KCNH5: variants seen among roughly 807,000 people sequenced by gnomAD.
The protein encoded by KCNH5 is potassium voltage-gated channel subfamily H member 5.
A neutral mutation model predicts 96.1 loss-of-function variants in KCNH5; 46 were observed. The observed-to-expected ratio is 0.48, with a 90% CI of 0.38 to 0.61. KCNH5 has a LOEUF of 0.61. Ranked by LOEUF, KCNH5 falls within the 20% of genes least tolerant of loss-of-function variation. KCNH5 has a pLI of 0.00. For missense variants in KCNH5, 907 were observed against 1,225.8 expected, an observed-to-expected ratio of 0.74 and a Z score of 3.88; for synonymous variants, 439 against 449.8, an observed-to-expected ratio of 0.98 and a Z score of 0.30.
At chr14:62,797,723 T>C (rs547798180) in intron 9 of KCNH5, among the ~76,000 whole-genome samples, 223 of 152,060 alleles carry the variant, frequency 1.5e-3, no homozygotes, top group Admixed American at 2.6e-3. Context: ...TTTATAATTT[T>C]TTTTTTTTTT....
intron 8 of KCNH5, among the ~76,000 whole-genome samples, chr14:62,844,564 C>T (rs1326773946): frequency 6.6e-6 from 1 of 151,958 alleles, no homozygotes; most frequent in Non-Finnish European, 1.5e-5. Context: ...TTCATGTACA[C>T]AGAATATTAG....
intron 3 of KCNH5, among the ~76,000 whole-genome samples, chr14:63,003,624 A>ATATATATATTTTT (rs1491457497): frequency 1.1e-5 from 1 of 92,818 alleles, no homozygotes; most frequent in South Asian, 2.9e-4. Flanking sequence ...ATATATATAT[A>ATATATATATTTTT]TTTTTTTTTT....
intron 7 of KCNH5, among the ~76,000 whole-genome samples, chr14:62,896,325 C>T (rs940050013): frequency 3.3e-5 from 5 of 152,164 alleles, no homozygotes; most frequent in Non-Finnish European, 7.3e-5. Context: ...GTTCAATTCA[C>T]TTTTTTCAGC....
chr14:62,976,280 G>A (rs980672411), intron 6 of KCNH5, among the ~76,000 whole-genome samples: 3 of 151,872 alleles, frequency 2.0e-5, no homozygotes, highest in South Asian at 4.2e-4. Context: ...GGCAGCGCCT[G>A]TAGTCCCAGC....
chr14:62,988,697 C>CA (rs78891981), intron 4 of KCNH5, among the ~76,000 whole-genome samples: 9 of 149,984 alleles, frequency 6.0e-5, no homozygotes, highest in Admixed American at 1.3e-4. Flanking sequence ...GCTGTGGAAA[C>CA]AAAAAAAAAG....
At chr14:62,908,372 C>G (rs1006334812) in intron 7 of KCNH5, among the ~76,000 whole-genome samples, 19 of 152,194 alleles carry the variant, frequency 1.2e-4, no homozygotes, top group African/African-American at 3.9e-4. Flanking sequence ...CTTCCTGCTT[C>G]CTGTTCACCC....
intron 8 of KCNH5, among the ~76,000 whole-genome samples, chr14:62,802,803 G>A (rs920609496): frequency 1.3e-5 from 2 of 152,152 alleles, no homozygotes. Context: ...TGACAATGCA[G>A]AACTATGTAG....
intron 7 of KCNH5, among the ~76,000 whole-genome samples, chr14:62,886,121 GACACACACACACAC>G (rs58900799): frequency 0.03 from 4,376 of 147,858 alleles, 81 homozygotes; most frequent in East Asian, 0.082. Flanking sequence ...ACCTGCAGAG[GACACACACACACAC>G]ACACACACAC....
intron 8 of KCNH5, among the ~76,000 whole-genome samples, chr14:62,810,327 T>C (rs935964186): frequency 6.6e-6 from 1 of 151,890 alleles, no homozygotes; most frequent in Non-Finnish European, 1.5e-5. Flanking sequence ...TGGATCTTCA[T>C]CCCTCTGCAA....
rs112417172 is a variant in KCNH5, at chr14:62,841,415, A to C, written c.1569+8238T>G. Among the ~76,000 whole-genome samples, 257 of 152,316 alleles carry C rather than the reference A, an allele frequency of 1.7e-3. 1 individual carries two copies. The highest frequency in any genetic ancestry group is 5.8e-3 in the African/African-American group (240 of 41,562). ...CAATCAAGGCAGCTCAGAATACAAT[A>C]ATAGGTTGGATACAAACACCTACTC... On this transcript the variant is annotated intron_variant, in intron 8 of 10. Coordinates refer to ENST00000322893, the MANE Select transcript of KCNH5 (RefSeq NM_139318.5).
At chr14:63,017,145 C>A (rs924770738) in intron 1 of KCNH5, among the ~76,000 whole-genome samples, 191 bp from the exon 2 acceptor site, 2 of 151,908 alleles carry the variant, frequency 1.3e-5, no homozygotes, top group East Asian at 1.9e-4. Context: ...CAATAAATAT[C>A]GAATTTATAT....
chr14:62,881,330 C>T lies in KCNH5; in HGVS notation c.1370-31478G>A, dbSNP rs1387899289. On this transcript the variant is annotated intron_variant, in intron 7 of 10. Coordinates refer to ENST00000322893, the MANE Select transcript of KCNH5 (RefSeq NM_139318.5). ...AAACCCTCATTATAAGAATGTCTCA[C>T]TTCTTTTTTTTTTTAGTAAGAAACT... 3.3e-5 allele frequency among the ~76,000 whole-genome samples: 5 copies of T among 151,958 alleles called. No individual in the cohort carries two copies. In the East Asian group the frequency reaches 7.7e-4, roughly 23 times the overall value.
At chr14:62,891,502 G>A (rs552778819) in intron 7 of KCNH5, among the ~76,000 whole-genome samples, 2 of 151,908 alleles carry the variant, frequency 1.3e-5, no homozygotes, top group African/African-American at 2.4e-5. Flanking sequence ...ACAAACCCCC[G>A]TGACATGAGT....
rs555738063 is a variant in KCNH5, at chr14:62,965,122, A to T, written c.943-14563T>A. 2.6e-5 allele frequency among the ~76,000 whole-genome samples: 4 copies of T among 152,174 alleles called. No individual in the cohort carries two copies. The South Asian group carries it at 6.2e-4, about 24-fold the overall frequency. On this transcript the variant is annotated intron_variant, in intron 6 of 10. Coordinates refer to ENST00000322893, the MANE Select transcript of KCNH5 (RefSeq NM_139318.5). ...ATAGATGCATAAAATCAAGTAAGGG[A>T]TTTGTTTTTTTCATTTAAAGGATGA...
At chr14:62,878,480 T>C (rs1181995523) in intron 7 of KCNH5, among the ~76,000 whole-genome samples, 2 of 152,094 alleles carry the variant, frequency 1.3e-5, no homozygotes, top group East Asian at 1.9e-4. Context: ...TTCTTGACAA[T>C]TTAAACTTTC....
chr14:62,861,887 A>G (rs1319041157), intron 7 of KCNH5, among the ~76,000 whole-genome samples: 1 of 152,202 alleles, frequency 6.6e-6, no homozygotes, highest in East Asian at 1.9e-4. Flanking sequence ...AGATTACCTT[A>G]CCTATTTATA....
At chr14:62,890,698 CAA>C (rs1277209731) in intron 7 of KCNH5, among the ~76,000 whole-genome samples, 11,855 of 54,994 alleles carry the variant, frequency 0.22, 331 homozygotes, top group East Asian at 0.37. Context: ...GACTCCGTCT[CAA>C]AAAAAAAAAA....
At chr14:62,862,370 T>C (rs938762089) in intron 7 of KCNH5, among the ~76,000 whole-genome samples, 2 of 152,164 alleles carry the variant, frequency 1.3e-5, no homozygotes, top group Non-Finnish European at 2.9e-5. Flanking sequence ...AGAAATCATG[T>C]CTTAATATGT....
chr14:62,782,241 T>C (rs1886234435), intron 9 of KCNH5, among the ~76,000 whole-genome samples: 1 of 152,078 alleles, frequency 6.6e-6, no homozygotes, highest in Admixed American at 6.6e-5. Flanking sequence ...TTTGCTCACT[T>C]AGGTAGTTGG....
Sources: allele counts gnomAD v4.1 joint callset (sites outside exome capture counted in the v4.1 genomes callset), GRCh38; gene constraint gnomAD v4.1.1; transcripts MANE v1.5; gene names NCBI Gene and HGNC (gene_info 2026-07-23, HGNC 2026-07-21).